RBFOX1: variants seen among roughly 807,000 people sequenced by gnomAD.
RBFOX1 encodes the protein RNA binding fox-1 homolog 1.
RBFOX1 carries 8 observed loss-of-function variants against 57.7 expected under a neutral mutation model. The observed-to-expected ratio is 0.14, with a 90% CI of 0.08 to 0.25. The LOEUF is 0.25. RBFOX1 is among the 10% of genes least tolerant of loss of function. The probability of loss-of-function intolerance (pLI) is 1.00; values close to 1 mark genes in which losing one functional copy is unlikely to be tolerated. For missense variants in RBFOX1, 611 were observed against 548.5 expected (o/e 1.11, Z -1.14); for synonymous variants, 326 against 222.4 (o/e 1.47, Z -4.15).
chr16:7,260,386 TGAAA>T (rs960754682), intron 4 of RBFOX1, among the ~76,000 whole-genome samples: 5 of 152,074 alleles, frequency 3.3e-5, no homozygotes, highest in Admixed American at 1.3e-4. Context: ...AGCAAGAAAA[TGAAA>T]GAAAGAAACA....
chr16:6,542,690 C>A (rs2096839781), intron 2 of RBFOX1, among the ~76,000 whole-genome samples: 1 of 151,710 alleles, frequency 6.6e-6, no homozygotes, highest in African/African-American at 2.4e-5. Flanking sequence ...GACGGGGTTT[C>A]ACTGTGTTAG....
chr16:6,688,203 G>A (rs952471262), intron 3 of RBFOX1, among the ~76,000 whole-genome samples: 3 of 152,108 alleles, frequency 2.0e-5, no homozygotes, highest in Non-Finnish European at 4.4e-5. Flanking sequence ...AGAGAAGCAG[G>A]CGTGTCTTAG....
chr16:7,336,290 T>A (rs916849039), intron 4 of RBFOX1, among the ~76,000 whole-genome samples: 1 of 152,238 alleles, frequency 6.6e-6, no homozygotes, highest in African/African-American at 2.4e-5. Flanking sequence ...TCTAATGTGT[T>A]GGCTCTGGGC....
intron 2 of RBFOX1, among the ~76,000 whole-genome samples, chr16:6,332,459 G>T (rs1158635760): frequency 6.6e-6 from 1 of 152,232 alleles, no homozygotes; most frequent in Non-Finnish European, 1.5e-5. Flanking sequence ...TACATTAATA[G>T]GCAAAACTAT....
intron 6 of RBFOX1, 141 bp downstream of exon 6, chr16:7,580,061 A>T (rs2093633778): frequency 2.3e-6 from 2 of 884,378 alleles, no homozygotes; most frequent in Non-Finnish European, 1.7e-6. Context: ...GTCTGCAGGT[A>T]TATTGTGGCT....
intron 2 of RBFOX1, chr16:5,467,355 A>G: frequency 8.7e-7 from 1 of 1,154,606 alleles, no homozygotes; most frequent in Non-Finnish European, 1.2e-6. Context: ...TTCACTGCCC[A>G]GGGCAGACAT....
At chr16:5,904,325 C>T (rs997457353) in intron 4 of RBFOX1, among the ~76,000 whole-genome samples, 2 of 152,100 alleles carry the variant, frequency 1.3e-5, no homozygotes, top group Non-Finnish European at 2.9e-5. Context: ...TACAAAGCTT[C>T]CCCTCGACTT....
intron 4 of RBFOX1, among the ~76,000 whole-genome samples, chr16:5,927,842 A>G (rs2058968540): frequency 6.6e-6 from 1 of 152,226 alleles, no homozygotes; most frequent in Admixed American, 6.5e-5. Flanking sequence ...GAAATAAGCT[A>G]GGCACAGAAA....
At chr16:5,307,337 C>T (rs376616266) in intron 1 of RBFOX1, among the ~76,000 whole-genome samples, 13 of 152,174 alleles carry the variant, frequency 8.5e-5, no homozygotes, top group Admixed American at 8.5e-4. Flanking sequence ...ACCCACCTGC[C>T]CAGTATTTTC....
chr16:7,334,796 T>C (rs909466694), intron 4 of RBFOX1, among the ~76,000 whole-genome samples: 2 of 152,330 alleles, frequency 1.3e-5, no homozygotes, highest in African/African-American at 4.8e-5. Flanking sequence ...CTTCCTCCTT[T>C]GCAGAGCATT....
chr16:5,893,904 C>T (rs2058100361), intron 4 of RBFOX1, among the ~76,000 whole-genome samples: 1 of 151,580 alleles, frequency 6.6e-6, no homozygotes, highest in Admixed American at 6.6e-5. Flanking sequence ...GTGCTTAGAA[C>T]AATTAAAAAA....
At position 7,428,494 on chromosome 16, in the gene RBFOX1, T is replaced by TTTTTTA. The variant is rs71391634; in HGVS notation, c.28-89651_28-89650insTTTATT. 3.3e-3 allele frequency among the ~76,000 whole-genome samples: 427 copies of TTTTTTA among 128,710 alleles called. 4 individuals carry two copies. Among genetic ancestry groups the TTTTTTA allele is most frequent in the Middle Eastern group, 0.023 (6 of 258 alleles). The allele number at this position is 128,710 out of a possible 152,430, so 84.4% of individuals were successfully genotyped here. On this transcript the variant is annotated intron_variant, in intron 4 of 15. Transcript: ENST00000550418. ...GGCATCCACTACCACTCCTGGCTAT[T>TTTTTTA]TTATTATTATTATTATTATTATTAT...
At chr16:6,535,143 C>T (rs530459705) in intron 2 of RBFOX1, among the ~76,000 whole-genome samples, 2 of 152,246 alleles carry the variant, frequency 1.3e-5, no homozygotes, top group African/African-American at 2.4e-5. Flanking sequence ...GAGTGGAAAA[C>T]GTGTGCTGGT....
intron 2 of RBFOX1, among the ~76,000 whole-genome samples, chr16:6,469,058 G>C (rs1198155095): frequency 1.3e-5 from 2 of 152,048 alleles, no homozygotes; most frequent in Non-Finnish European, 2.9e-5. Context: ...CCCCTGGGAA[G>C]GTCTTTTCTT....
At chr16:6,783,423 T>C (rs1472587256) in intron 3 of RBFOX1, among the ~76,000 whole-genome samples, 1 of 144,494 alleles carries the variant, frequency 6.9e-6, no homozygotes, top group Non-Finnish European at 1.5e-5. Flanking sequence ...TTTTGCTTTG[T>C]AGTTACCATG....
chr16:6,495,105 T>A (rs950622753), intron 2 of RBFOX1, among the ~76,000 whole-genome samples: 1 of 152,096 alleles, frequency 6.6e-6, no homozygotes, highest in African/African-American at 2.4e-5. Context: ...TGTCCCCGCT[T>A]TCTTTTGTTT....
intron 2 of RBFOX1, among the ~76,000 whole-genome samples, chr16:6,397,309 A>T (rs1427337544): frequency 6.6e-6 from 1 of 152,176 alleles, no homozygotes; most frequent in Non-Finnish European, 1.5e-5. Context: ...AAAAAGAGGC[A>T]TTTCCTACAT....
At chr16:5,402,643 C>G (rs2066747201) in intron 1 of RBFOX1, among the ~76,000 whole-genome samples, 1 of 152,162 alleles carries the variant, frequency 6.6e-6, no homozygotes, top group African/African-American at 2.4e-5. Flanking sequence ...TATTTCGTCT[C>G]CTTGCTTCCC....
chr16:5,660,278 AC>A, intron 3 of RBFOX1, among the ~76,000 whole-genome samples: 1 of 151,992 alleles, frequency 6.6e-6, no homozygotes, highest in East Asian at 1.9e-4. Flanking sequence ...TTTGGTGCAA[AC>A]CCTAGATCCC....
Sources: gnomAD v4.1 joint callset for allele counts (sites outside exome capture counted in the v4.1 genomes callset) on GRCh38, gnomAD v4.1.1 for gene constraint, MANE v1.5 for transcripts, NCBI Gene and HGNC (gene_info 2026-07-23, HGNC 2026-07-21) for gene names.